The following ABCG5 variants were observed in gnomAD, a reference collection of about 807,000 sequenced individuals.
The protein encoded by ABCG5 is ATP binding cassette subfamily G member 5.
Under a neutral mutation model 64.5 loss-of-function variants are expected in ABCG5, and 64 were observed. The ratio of observed to expected loss-of-function variants is 0.99; its 90% CI spans 0.81 to 1.22. The LOEUF (loss-of-function observed/expected upper bound fraction) is 1.22, where lower values mean the gene tolerates loss of function less well. Among genes scored for constraint, ABCG5 ranks in the 50% most tolerant of loss-of-function variants. The pLI, the probability that ABCG5 is intolerant of heterozygous loss-of-function variation, is 0.00. For synonymous variants in ABCG5, 385 were observed against 326.3 expected (o/e 1.18, Z -1.94); for missense variants, 908 against 829.5 (o/e 1.09, Z -1.16).
chr2:43,828,858 C>CA (rs1667794080), intron 4 of ABCG5, among the ~76,000 whole-genome samples: 4 of 150,254 alleles, frequency 2.7e-5, no homozygotes, highest in East Asian at 2.0e-4. Flanking sequence ...CCCAGCTACT[C>CA]GGAGGCTAAG....
intron 4 of ABCG5, chr2:43,828,541 A>T (rs559935775): frequency 5.5e-6 from 2 of 366,454 alleles, no homozygotes; most frequent in Non-Finnish European, 1.0e-5. Context: ...ACGTGCCTGT[A>T]GTCCCAGCTA....
rs144622073 is a variant in ABCG5, at chr2:43,838,602, C to T, written c.78G>A (p.Glu26=). Residue 26 remains glutamate (E), a synonymous_variant, in exon 1 of 13, where the codon GAG becomes GAA. Transcript: ENST00000405322. This position sits in a 1 kb window ranked among gnomAD's most constrained non-coding sequence, Gnocchi z 4.2. ...QVNRGSQSSL[E]GAPATAPEPH... is the part of the protein sequence containing the mutation. ...GCTCCGGGGCGGTGGCAGGAGCCCC[C>T]TCCAGGGAGCTCTGGGAGCCTCTGT... 6.2e-7 allele frequency: 1 copy of T among 1,611,902 alleles called. No homozygotes were observed. Among genetic ancestry groups the T allele is most frequent in the Non-Finnish European group, 8.5e-7 (1 of 1,179,464 alleles).
At chr2:43,822,982 GA>G (rs1382484800) in intron 9 of ABCG5, 47 bp from the exon 10 acceptor site, 2 of 1,608,622 alleles carry the variant, frequency 1.2e-6, no homozygotes, top group Non-Finnish European at 1.7e-6. Context: ...CCACCCAGCT[GA>G]AAAAGGGAGG....
chr2:43,831,881 G>C lies in ABCG5; in HGVS notation c.403-14C>G, dbSNP rs1303317189. 20 of 1,561,256 alleles carry C rather than the reference G, an allele frequency of 1.3e-5. No individual in the cohort carries two copies. Among genetic ancestry groups the C allele is most frequent in the Non-Finnish European group, 1.6e-5 (18 of 1,153,894 alleles). On this transcript the variant is annotated splice_polypyrimidine_tract_variant and intron_variant, in intron 3 of 12. Coordinates refer to ENST00000405322, the MANE Select transcript of ABCG5 (RefSeq NM_022436.3). ...CAGGGTGTCGCTCTGCAGGAGACTC[G>C]GGCGTCAGTGTAGCCTAAGCCCCCG...
downstream of ABCG5, chr2:43,809,696 T>C: frequency 6.2e-7 from 1 of 1,601,330 alleles, no homozygotes; most frequent in Non-Finnish European, 8.5e-7. Context: ...ATACATATTT[T>C]TGTTTTAGGA....
chr2:43,830,793 C>A (rs900122385), intron 4 of ABCG5, among the ~76,000 whole-genome samples: 2 of 152,222 alleles, frequency 1.3e-5, no homozygotes, highest in African/African-American at 4.8e-5. Context: ...GAAGCAGTTT[C>A]CAGGTAAGGT....
intron 2 of ABCG5, among the ~76,000 whole-genome samples, chr2:43,836,699 G>T (rs1668290771): frequency 6.6e-6 from 1 of 152,152 alleles, no homozygotes; most frequent in South Asian, 2.1e-4. Context: ...ACTGGCTGAT[G>T]CAGGGGCACA....
intron 2 of ABCG5, among the ~76,000 whole-genome samples, chr2:43,833,528 G>A (rs1365281343): frequency 6.6e-6 from 1 of 151,424 alleles, no homozygotes; most frequent in Non-Finnish European, 1.5e-5. Context: ...GACTGCAGGC[G>A]CCGGCCACCA....
In ABCG5 at chr2:43,831,937, A is replaced by T. The variant is rs1667974034; in HGVS notation, c.402+10T>A. 6.5e-7 allele frequency: 1 copy of T among 1,547,982 alleles called. No individual in the cohort carries two copies. Among genetic ancestry groups the T allele is most frequent in the South Asian group, 1.2e-5 (1 of 83,960 alleles). On this transcript the variant is annotated intron_variant, in intron 3 of 12. Transcript: ENST00000405322. Reference sequence around the variant, plus strand: ...GGCGGGGGGGCCAGGGGTGTGGGGGACGCGCCCACCTGCAGGACGTAGGAG... The same window carrying T: ...GGCGGGGGGGCCAGGGGTGTGGGGGTCGCGCCCACCTGCAGGACGTAGGAG...
At chr2:43,831,627 C>T (rs1572788927) in intron 4 of ABCG5, 142 bp downstream of exon 4, 11 of 811,816 alleles carry the variant, frequency 1.4e-5, no homozygotes, top group African/African-American at 3.4e-5. Context: ...ACAGGGTGCA[C>T]GGTGCAGGAC....
chr2:43,808,171 T>C (rs1049166011), downstream of ABCG5, among the ~76,000 whole-genome samples: 2 of 152,024 alleles, frequency 1.3e-5, no homozygotes, highest in African/African-American at 2.4e-5. Flanking sequence ...TGAACTGAAT[T>C]AGCTTTATTA....
chr2:43,816,397 G>T (rs1055907956), intron 11 of ABCG5, among the ~76,000 whole-genome samples: 1 of 152,108 alleles, frequency 6.6e-6, no homozygotes, highest in African/African-American at 2.4e-5. Flanking sequence ...TGCGCCTCTA[G>T]CCTTGGGAAC....
chr2:43,807,831 A>C (rs1275031982), downstream of ABCG5, among the ~76,000 whole-genome samples: 2 of 151,988 alleles, frequency 1.3e-5, no homozygotes, highest in African/African-American at 4.8e-5. Context: ...TATCTTCGGA[A>C]AACTTTACTT....
chr2:43,818,838 A>G (rs1295774885), intron 11 of ABCG5, among the ~76,000 whole-genome samples: 1 of 152,160 alleles, frequency 6.6e-6, no homozygotes, highest in African/African-American at 2.4e-5. Flanking sequence ...GTTCCTTCTC[A>G]TGATCCCTTG....
intron 5 of ABCG5, among the ~76,000 whole-genome samples, chr2:43,826,992 G>A (rs990978779): frequency 1.3e-5 from 2 of 152,222 alleles, no homozygotes; most frequent in African/African-American, 4.8e-5. Context: ...AGGCATTTGG[G>A]TTCTTTAGAG....
At position 43,824,588 on chromosome 2, in the gene ABCG5, G is replaced by A. The variant is rs1335770528; in HGVS notation, c.905-156C>T. ...ACCTATAAAATCAGAATACTTTAAA[G>A]CATCCCAGCAGGGCCTTGAGGATCC... On this transcript the variant is annotated intron_variant, in intron 7 of 12. Coordinates refer to ENST00000405322, the MANE Select transcript of ABCG5 (RefSeq NM_022436.3). 8.1e-6 allele frequency: 8 copies of A among 985,312 alleles called. No homozygotes were observed. In the East Asian group the frequency reaches 5.7e-4, roughly 70 times the overall value. The allele number at this position is 985,312 out of a possible 1,614,324, so 61.0% of individuals were successfully genotyped here. A position where few individuals can be genotyped will look rare whatever the true frequency, so the allele number is the denominator to read the frequency against.
intron 2 of ABCG5, chr2:43,832,412 T>A (rs1231642979): frequency 4.4e-6 from 2 of 458,916 alleles, no homozygotes; most frequent in Non-Finnish European, 8.0e-6. Context: ...AACAAAATAC[T>A]TATAGGTATC....
At position 43,836,712 on chromosome 2, in the gene ABCG5, C is replaced by T. The variant is rs114532697; in HGVS notation, c.265+1122G>A. On this transcript the variant is annotated intron_variant, in intron 2 of 12. Transcript: ENST00000405322. ...TGACTGGCTGATGCAGGGGCACAAA[C>T]ACCGACTGTAGGCTCAAATGCAGCT... Among the ~76,000 whole-genome samples the T allele has an allele frequency of 3.6e-3, 547 of 152,252 alleles. 4 individuals are homozygous for T. The highest frequency in any genetic ancestry group is 0.013 in the African/African-American group (537 of 41,538).
At chr2:43,817,867 G>A (rs1249064679) in intron 11 of ABCG5, among the ~76,000 whole-genome samples, 5 of 152,008 alleles carry the variant, frequency 3.3e-5, no homozygotes, top group Admixed American at 6.6e-5. Context: ...CCGAGATCGC[G>A]CCACTGCATT....
Sources: allele counts gnomAD v4.1 joint callset (sites outside exome capture counted in the v4.1 genomes callset), GRCh38; gene constraint gnomAD v4.1.1; non-coding constraint Gnocchi (gnomAD v3.1); transcripts MANE v1.5; gene names NCBI Gene and HGNC (gene_info 2026-07-23, HGNC 2026-07-21).